Variants in POM121C observed in about 807,000 individuals in gnomAD.
POM121C encodes the protein POM121 transmembrane nucleoporin C.
In POM121C, 20 loss-of-function variants were observed where a neutral mutation model predicts 66.4. The ratio of observed to expected loss-of-function variants is 0.30; its 90% CI spans 0.21 to 0.44. POM121C has a LOEUF of 0.44. Ranked by LOEUF, POM121C falls within the 20% of genes least tolerant of loss-of-function variation. POM121C has a pLI of 1.00. For synonymous variants in POM121C, 286 were observed against 528.0 expected (o/e 0.54, Z 6.28); for missense variants, 580 against 1,225.7 (o/e 0.47, Z 7.87).
At chr7:75,461,166 T>A (rs1791429372) in intron 3 of POM121C, among the ~76,000 whole-genome samples, 1 of 152,070 alleles carries the variant, frequency 6.6e-6, no homozygotes, top group South Asian at 2.1e-4. Context: ...TTGAGGGTCA[T>A]TACATTGTAA....
At chr7:75,418,971 G>C (rs1789581728) in intron 14 of POM121C, 78 bp from the exon 15 acceptor site, 1 of 1,499,448 alleles carries the variant, frequency 6.7e-7, no homozygotes, top group African/African-American at 1.4e-5. Flanking sequence ...TCTCTGGAAG[G>C]CCAGGCCAGT....
At chr7:75,431,410 C>G (rs1282572616) in intron 7 of POM121C, among the ~76,000 whole-genome samples, 1 of 151,342 alleles carries the variant, frequency 6.6e-6, no homozygotes, top group Admixed American at 6.6e-5. Context: ...TTGAGACCAG[C>G]CTGACCAACA....
chr7:75,452,707 A>C (rs1440795104), intron 3 of POM121C, among the ~76,000 whole-genome samples: 1 of 152,176 alleles, frequency 6.6e-6, no homozygotes, highest in Non-Finnish European at 1.5e-5. Flanking sequence ...ACTGTCCTGA[A>C]GGGCAAAGTA....
At chr7:75,484,573 G>A (rs1412108206) in intron 1 of POM121C, among the ~76,000 whole-genome samples, 1 of 149,702 alleles carries the variant, frequency 6.7e-6, no homozygotes, top group African/African-American at 2.4e-5. Context: ...GGAGGCTGAG[G>A]CACGAGAATC....
At position 75,419,438 on chromosome 7, in the gene POM121C, G is replaced by A. The variant is rs373243992; in HGVS notation, c.2748C>T (p.Thr916=). Residue 916 remains threonine, a synonymous_variant, in exon 14 of 15, where the codon ACC becomes ACT. Coordinates refer to ENST00000615331, the MANE Select transcript of POM121C (RefSeq NM_001099415.3). ...TGTTCTGACCAAAGGTGGGGGTGGC[G>A]GTGCCTGGAATGAAGAGAACAGAGA... ...TTESKPVFGG[T]ATPTFGQNTP... 8.7e-6 allele frequency: 14 copies of A among 1,613,038 alleles called. No homozygotes were observed. The African/African-American group carries it at 1.1e-4, about 12-fold the overall frequency.
chr7:75,468,126 T>TAAAAAAAAA (rs368723160), intron 3 of POM121C, among the ~76,000 whole-genome samples: 17 of 64,340 alleles, frequency 2.6e-4, no homozygotes, highest in South Asian at 6.4e-4. Flanking sequence ...AGACTCTGTC[T>TAAAAAAAAA]AAAAAAAAAA....
intron 3 of POM121C, among the ~76,000 whole-genome samples, chr7:75,453,366 T>C (rs1791092498): frequency 6.6e-6 from 1 of 151,032 alleles, no homozygotes; most frequent in East Asian, 1.9e-4. Flanking sequence ...GCGGATCACC[T>C]GAGGTCCGGA....
intron 1 of POM121C, among the ~76,000 whole-genome samples, chr7:75,479,395 G>C (rs1316088666): frequency 1.6e-4 from 25 of 151,628 alleles, no homozygotes; most frequent in South Asian, 2.1e-4. Context: ...GCAGATGGGT[G>C]ACCTGAGGTC....
chr7:75,429,826 A>C (rs587599500), intron 7 of POM121C, among the ~76,000 whole-genome samples: 136 of 152,222 alleles, frequency 8.9e-4, no homozygotes, highest in African/African-American at 3.1e-3. Flanking sequence ...CAGCCTAGGC[A>C]ACACAGTGAG....
At chr7:75,475,890 C>G (rs1231264503) in intron 1 of POM121C, among the ~76,000 whole-genome samples, 1 of 151,882 alleles carries the variant, frequency 6.6e-6, no homozygotes, top group Non-Finnish European at 1.5e-5. Flanking sequence ...AACTTGAAGT[C>G]CTTAAAGATG....
chr7:75,442,157 C>T, intron 3 of POM121C: 6 of 1,354,352 alleles, frequency 4.4e-6, no homozygotes, highest in South Asian at 1.7e-5. Flanking sequence ...TGGGGAAGGC[C>T]TCCCGGAGGG....
rs587681902 is a variant in POM121C at position 75,476,182 on chromosome 7, T to G, written c.-457-994A>C. Among the ~76,000 whole-genome samples, 3 of 152,152 alleles carry G rather than the reference T, an allele frequency of 2.0e-5. No individual in the cohort carries two copies. The East Asian group carries it at 5.8e-4, about 29-fold the overall frequency. ...GGCACATGCCTGTAGTTCCAGCTAC[T>G]TGGGAGGCTAAGGCAGGAGGATGGC... is the stretch of plus-strand genomic sequence containing the variant. On this transcript the variant is annotated intron_variant, in intron 1 of 14. Coordinates refer to ENST00000615331, the MANE Select transcript of POM121C (RefSeq NM_001099415.3).
At position 75,439,228 on chromosome 7, in the gene POM121C, C is replaced by T. The variant is rs368478390; in HGVS notation, c.228-4G>A. The T allele has an allele frequency of 9.3e-6, 15 of 1,613,898 alleles. No homozygotes were observed. Among genetic ancestry groups the T allele is most frequent in the Middle Eastern group, 1.6e-4 (1 of 6,082 alleles). On this transcript the variant is annotated splice_region_variant and splice_polypyrimidine_tract_variant and intron_variant, in intron 5 of 14. Coordinates refer to ENST00000615331, the MANE Select transcript of POM121C (RefSeq NM_001099415.3). Reference sequence around the variant, plus strand: ...ACTGCCACTGCTATCATGGCGCCTGCGACAAATCAAAAAAGTCTCAAATGA... The same window carrying T: ...ACTGCCACTGCTATCATGGCGCCTGTGACAAATCAAAAAAGTCTCAAATGA...
intron 3 of POM121C, among the ~76,000 whole-genome samples, chr7:75,471,744 C>A (rs1366538198): frequency 6.6e-6 from 1 of 152,148 alleles, no homozygotes; most frequent in African/African-American, 2.4e-5. Context: ...TGCTGACGAG[C>A]CACACTCCAC....
chr7:75,447,662 A>G (rs2116435235), intron 3 of POM121C, among the ~76,000 whole-genome samples: 1 of 152,202 alleles, frequency 6.6e-6, no homozygotes, highest in South Asian at 2.1e-4. Flanking sequence ...TGAGCTGGGC[A>G]GATTGCTTGA....
intron 3 of POM121C, chr7:75,441,995 C>T: frequency 1.8e-6 from 1 of 565,426 alleles, no homozygotes; most frequent in Non-Finnish European, 3.1e-6. Flanking sequence ...GGCCAGGAGA[C>T]GGCTGGCACA....
intron 5 of POM121C, chr7:75,440,567 C>CA (rs370237046): frequency 0.047 from 7,015 of 150,338 alleles, 38 homozygotes; most frequent in African/African-American, 0.093. Flanking sequence ...GACTCCAACT[C>CA]AAAAAAAAAA....
intron 3 of POM121C, among the ~76,000 whole-genome samples, chr7:75,470,878 C>G (rs1189450370): frequency 1.2e-4 from 19 of 152,152 alleles, no homozygotes; most frequent in Non-Finnish European, 2.8e-4. Context: ...AAGTGATCTG[C>G]CCACCTCGAC....
intron 5 of POM121C, 92 bp downstream of exon 5, chr7:75,440,862 A>T (rs1790616207): frequency 1.9e-6 from 3 of 1,604,950 alleles, no homozygotes; most frequent in Non-Finnish European, 2.6e-6. Context: ...CACAAACTGG[A>T]CGTGGCCTCT....
Sources: gnomAD v4.1 joint callset for allele counts (sites outside exome capture counted in the v4.1 genomes callset) on GRCh38, gnomAD v4.1.1 for gene constraint, MANE v1.5 for transcripts, NCBI Gene and HGNC (gene_info 2026-07-23, HGNC 2026-07-21) for gene names.